CCDC171: variants seen among roughly 807,000 people sequenced by gnomAD.
The protein encoded by CCDC171 is coiled-coil domain containing 171, also known as coiled-coil domain-containing protein 171.
In CCDC171, 177 loss-of-function variants were observed where a neutral mutation model predicts 168.2. The observed-to-expected ratio is 1.05, with a 90% CI of 0.93 to 1.19. The LOEUF is 1.19. Ranked by LOEUF, CCDC171 falls within the 50% of genes most tolerant of loss-of-function variation. CCDC171 has a pLI of 0.00. For missense variants in CCDC171, 1,991 were observed against 1,539.0 expected, an observed-to-expected ratio of 1.29 and a Z score of -4.91; for synonymous variants, 687 against 540.8, an observed-to-expected ratio of 1.27 and a Z score of -3.75.
chr9:15,677,912 ATATATATATATAT>A lies in CCDC171; in HGVS notation c.1077-845_1077-833del, dbSNP rs1447044398. Among the ~76,000 whole-genome samples the A allele has an allele frequency of 2.3e-3, 66 of 28,152 alleles. 9 individuals are homozygous for A. In the East Asian group the frequency reaches 0.081, roughly 35 times the overall value. 18.5% of individuals were successfully genotyped at this position (28,152 alleles called of 152,430 possible). ...TATATATATATATATATATATATATATATATATATATATAAGAGATGTGGTCTCATTCTGTTAC... is the reference window on the plus strand; with the variant it reads ...TATATATATATATATATATATATATAAAGAGATGTGGTCTCATTCTGTTAC... On this transcript the variant is annotated intron_variant, in intron 9 of 25. Coordinates refer to ENST00000380701, the MANE Select transcript of CCDC171 (RefSeq NM_173550.4).
chr9:15,995,690 A>G (rs184651024), intron 3 of CCDC171, among the ~76,000 whole-genome samples: 1 of 152,352 alleles, frequency 6.6e-6, no homozygotes, highest in Admixed American at 6.5e-5. Flanking sequence ...CAATGAATTT[A>G]TTTGTTGCTT....
chr9:15,823,296 C>A (rs1354176541), intron 21 of CCDC171, among the ~76,000 whole-genome samples: 1 of 151,974 alleles, frequency 6.6e-6, no homozygotes, highest in African/African-American at 2.4e-5. Flanking sequence ...TCACGTTGTG[C>A]ACTTGTACCC....
At chr9:15,741,300 C>A (rs995668542) in intron 16 of CCDC171, among the ~76,000 whole-genome samples, 3 of 152,170 alleles carry the variant, frequency 2.0e-5, no homozygotes, top group African/African-American at 7.2e-5. Context: ...ATTCCTTCTT[C>A]TCCTCAGCCT....
the CCDC171 span, among the ~76,000 whole-genome samples, chr9:16,104,890 A>G: frequency 1.3e-5 from 2 of 152,196 alleles, no homozygotes; most frequent in Admixed American, 6.5e-5. Context: ...ACAGATAACA[A>G]TGTAAAACTC....
chr9:15,735,616 G>A (rs909510851), intron 16 of CCDC171, among the ~76,000 whole-genome samples: 1 of 152,200 alleles, frequency 6.6e-6, no homozygotes, highest in Non-Finnish European at 1.5e-5. Context: ...GGTATTGAGA[G>A]TGTATTTGGC....
rs1204907011 is a variant in CCDC171 at position 15,818,471 on chromosome 9, C to T, written c.3268-28231C>T. Among the ~76,000 whole-genome samples, 15 of 117,254 alleles carry T rather than the reference C, an allele frequency of 1.3e-4. 5 individuals carry two copies. Among genetic ancestry groups the T allele is most frequent in the African/African-American group, 4.8e-4 (15 of 31,116 alleles). The allele number at this position is 117,254 out of a possible 152,430, so 76.9% of individuals were successfully genotyped here. A position where few individuals can be genotyped will look rare whatever the true frequency, so the allele number is the denominator to read the frequency against. On this transcript the variant is annotated intron_variant, in intron 21 of 25. Transcript: ENST00000380701. ...AAAAAAAAATTAGACGAATGGCTAA[C>T]TAGAATAACCAATGCAGAGAAGTCC...
chr9:15,622,767 A>G (rs1174634524), intron 6 of CCDC171, among the ~76,000 whole-genome samples: 2 of 152,206 alleles, frequency 1.3e-5, no homozygotes, highest in Non-Finnish European at 2.9e-5. Flanking sequence ...CTTTTTGAAA[A>G]TCCAAGAGGA....
At chr9:16,020,789 C>T (rs1296045629) in exon 4 of CCDC171, 4 of 154,118 alleles carry the variant, frequency 2.6e-5, no homozygotes, top group African/African-American at 4.8e-5. Flanking sequence ...CATGTGCCTC[C>T]GAATGGTGAG....
At chr9:15,776,138 T>C (rs2057312836) in intron 18 of CCDC171, 1 of 152,074 alleles carries the variant, frequency 6.6e-6, no homozygotes, top group African/African-American at 2.4e-5. Context: ...TTTTCATCCA[T>C]TGTTTTCTTT....
intron 6 of CCDC171, among the ~76,000 whole-genome samples, chr9:15,597,277 T>A (rs1424093106): frequency 6.6e-6 from 1 of 152,130 alleles, no homozygotes; most frequent in African/African-American, 2.4e-5. Context: ...ATATTGGCTG[T>A]GGGTTTGTCA....
At chr9:16,053,891 T>C (rs1158944400) in intron 1 of CCDC171, among the ~76,000 whole-genome samples, 3 of 152,248 alleles carry the variant, frequency 2.0e-5, no homozygotes, top group African/African-American at 7.2e-5. Flanking sequence ...CTCATGGCCA[T>C]GCTGCCTGTC....
intron 18 of CCDC171, among the ~76,000 whole-genome samples, chr9:15,764,856 G>A (rs1252775049): frequency 1.3e-5 from 2 of 152,186 alleles, no homozygotes; most frequent in Non-Finnish European, 2.9e-5. Context: ...ATTCCACCCA[G>A]ATTTTGGCTG....
intron 25 of CCDC171, among the ~76,000 whole-genome samples, chr9:15,950,364 C>T (rs141002580): frequency 0.012 from 1,816 of 152,192 alleles, 39 homozygotes; most frequent in African/African-American, 0.042. Context: ...ATGTTAAGGG[C>T]AGCCAGAGAG....
chr9:15,853,583 A>T (rs1253201206), intron 23 of CCDC171, among the ~76,000 whole-genome samples: 2 of 151,470 alleles, frequency 1.3e-5, no homozygotes, highest in Non-Finnish European at 3.0e-5. Context: ...GGATGCCTTT[A>T]GTTTCTTTTT....
intron 21 of CCDC171, among the ~76,000 whole-genome samples, chr9:15,799,439 G>C (rs917179738): frequency 3.3e-5 from 5 of 150,954 alleles, no homozygotes; most frequent in Admixed American, 6.6e-5. Flanking sequence ...CTCAGGTTTT[G>C]TAAAGGTTTT....
chr9:16,007,784 G>C (rs987088200), intron 3 of CCDC171, among the ~76,000 whole-genome samples: 3 of 152,122 alleles, frequency 2.0e-5, no homozygotes, highest in Non-Finnish European at 4.4e-5. Flanking sequence ...CTGTTCCATT[G>C]GTCTATGTCT....
At chr9:15,680,104 G>A (rs1026447834) in intron 10 of CCDC171, among the ~76,000 whole-genome samples, 3 of 152,016 alleles carry the variant, frequency 2.0e-5, no homozygotes, top group African/African-American at 4.8e-5. Context: ...AATACTCACC[G>A]AAATTTGATG....
At chr9:15,735,951 A>G (rs1044016348) in intron 16 of CCDC171, among the ~76,000 whole-genome samples, 4 of 152,162 alleles carry the variant, frequency 2.6e-5, no homozygotes, top group Non-Finnish European at 5.9e-5. Context: ...GTGGTGCTTG[A>G]TATAATTTTC....
At chr9:16,008,919 C>G (rs540436591) in intron 3 of CCDC171, among the ~76,000 whole-genome samples, 1 of 152,130 alleles carries the variant, frequency 6.6e-6, no homozygotes, top group African/African-American at 2.4e-5. Context: ...ATTCCAGTGT[C>G]GGCAGACCTT....
Sources: allele counts gnomAD v4.1 joint callset (sites outside exome capture counted in the v4.1 genomes callset), GRCh38; gene constraint gnomAD v4.1.1; transcripts MANE v1.5; gene names NCBI Gene and HGNC (gene_info 2026-07-23, HGNC 2026-07-21).